NOL7: variants seen among roughly 807,000 people sequenced by gnomAD.
The protein encoded by NOL7 is nucleolar protein 7.
Under a neutral mutation model 38.4 loss-of-function variants are expected in NOL7, and 36 were observed. That is an observed-to-expected ratio of 0.94 (90% confidence interval 0.72 to 1.24). The LOEUF is 1.24. NOL7 is among the 50% of genes most tolerant of loss of function. NOL7 has a pLI of 0.00. For missense variants in NOL7, 350 were observed against 315.1 expected (o/e 1.11, Z -0.84); for synonymous variants, 142 against 126.5 (o/e 1.12, Z -0.82).
intron 3 of NOL7, among the ~76,000 whole-genome samples, chr6:13,617,342 T>A (rs933035412): frequency 2.0e-5 from 3 of 152,032 alleles, no homozygotes; most frequent in African/African-American, 2.4e-5. Context: ...TCTCTCTCCA[T>A]TGGGCCACAG....
At chr6:13,619,449 G>A (rs977543711) in intron 5 of NOL7, among the ~76,000 whole-genome samples, 1 of 152,118 alleles carries the variant, frequency 6.6e-6, no homozygotes, top group Non-Finnish European at 1.5e-5. Flanking sequence ...CTTGCAAATC[G>A]GTGTTTTAGC....
intron 7 of NOL7, 112 bp downstream of exon 7, chr6:13,620,597 T>TAA: frequency 2.6e-6 from 3 of 1,149,418 alleles, no homozygotes; most frequent in East Asian, 5.0e-5. Flanking sequence ...GCTTATATAT[T>TAA]AAGTTACTTG....
chr6:13,619,436 T>C (rs1292123103), intron 5 of NOL7, among the ~76,000 whole-genome samples: 2 of 152,230 alleles, frequency 1.3e-5, no homozygotes, highest in Non-Finnish European at 1.5e-5. Context: ...GTCCAAATCA[T>C]TACTTGCAAA....
downstream of NOL7, chr6:13,622,063 G>A (rs1764464946): frequency 5.6e-6 from 1 of 179,628 alleles, no homozygotes; most frequent in East Asian, 1.4e-4. Context: ...AAGAAGGCAG[G>A]ATTTTTGGTT....
chr6:13,625,527 T>A, downstream of NOL7: 1 of 551,832 alleles, frequency 1.8e-6, no homozygotes, highest in East Asian at 3.1e-5. Flanking sequence ...TAGGTATTTT[T>A]ATATTTTAAA....
At chr6:13,619,956 ACCAG>A (rs1267314085) in intron 5 of NOL7, among the ~76,000 whole-genome samples, 13 of 152,302 alleles carry the variant, frequency 8.5e-5, no homozygotes, top group Admixed American at 5.2e-4. Flanking sequence ...GGAGTTCGAG[ACCAG>A]CCTGGCCAAC....
downstream of NOL7, chr6:13,625,805 C>T (rs776457319): frequency 4.5e-6 from 6 of 1,338,260 alleles, no homozygotes; most frequent in Admixed American, 5.0e-5. Context: ...TCAAATAGTT[C>T]AACTATTATG....
intron 5 of NOL7, 31 bp from the exon 6 acceptor site, chr6:13,620,177 T>C: frequency 1.3e-6 from 2 of 1,584,208 alleles, no homozygotes. Context: ...GCATGTGTAA[T>C]TCTTATTTAA....
At chr6:13,615,920 GGGCGC>G (rs1764269979) in intron 2 of NOL7, 148 bp downstream of exon 2, 1 of 864,640 alleles carries the variant, frequency 1.2e-6, no homozygotes, top group African/African-American at 1.7e-5. Context: ...TGCTCGGGCC[GGGCGC>G]GGCAGTACTT....
chr6:13,621,012 G>T lies in NOL7; in HGVS notation c.*185G>T, dbSNP rs1764429316. 5 of 421,042 alleles carry T rather than the reference G, an allele frequency of 1.2e-5. No individual in the cohort carries two copies. The East Asian group carries it at 1.9e-4, about 16-fold the overall frequency. 26.1% of individuals were successfully genotyped at this position (421,042 alleles called of 1,614,324 possible). On this transcript the variant is annotated 3_prime_UTR_variant, in exon 8 of 8. Coordinates refer to ENST00000451315, the MANE Select transcript of NOL7 (RefSeq NM_016167.5). The stretch of plus-strand genomic sequence containing the variant: ...CTAGAGGAAAAAGTGGTTTAAGAAG[G>T]AATTGTTTTCTTTTTAATATATTTA...
At chr6:13,623,527 C>T (rs1764517140), downstream of NOL7, among the ~76,000 whole-genome samples, 1 of 152,110 alleles carries the variant, frequency 6.6e-6, no homozygotes, top group African/African-American at 2.4e-5. Flanking sequence ...AAAAAGGGCA[C>T]ATAGATTGAT....
chr6:13,615,686 T>G (rs1351636375), intron 1 of NOL7, 26 bp from the exon 2 acceptor site: 1 of 1,614,056 alleles, frequency 6.2e-7, no homozygotes, highest in African/African-American at 1.3e-5. Context: ...TCCTTCCCTT[T>G]GCTGACTTAT....
In NOL7 at chr6:13,621,035, T is replaced by TTAAC. The variant is rs1168565004; in HGVS notation, c.*210_*213dup. On this transcript the variant is annotated 3_prime_UTR_variant, in exon 8 of 8. Transcript: ENST00000451315. ...AGGAATTGTTTTCTTTTTAATATAT[T>TTAAC]TAACTGAATTCAAGCCATACCCACA... 2 of 355,832 alleles carry TTAAC rather than the reference T, an allele frequency of 5.6e-6. No homozygotes were observed. The highest frequency in any genetic ancestry group is 2.1e-5 in the African/African-American group (1 of 47,604). 22.0% of individuals were successfully genotyped at this position (355,832 alleles called of 1,614,324 possible). A position where few individuals can be genotyped will look rare whatever the true frequency, so the allele number is the denominator to read the frequency against.
At chr6:13,627,073 A>G (rs1328869331) in intron 8 of NOL7, among the ~76,000 whole-genome samples, 2 of 152,168 alleles carry the variant, frequency 1.3e-5, no homozygotes, top group Non-Finnish European at 2.9e-5. Context: ...TTTCTCCTCC[A>G]ATTACAATAG....
chr6:13,620,115 C>T lies in NOL7; in HGVS notation c.501-93C>T, dbSNP rs1764399663. 5 of 1,403,446 alleles carry T rather than the reference C, an allele frequency of 3.6e-6. No homozygotes were observed. The Admixed American group carries it at 1.2e-4, about 34-fold the overall frequency. 86.9% of individuals were successfully genotyped at this position (1,403,446 alleles called of 1,614,324 possible). On this transcript the variant is annotated intron_variant, in intron 5 of 7. Transcript: ENST00000451315. ...GTTGCAGTGAGCTGAGATCGCGCAGCCTGGGTGACAGAGCGAGACTCTGTC... is the reference window on the plus strand; with the variant it reads ...GTTGCAGTGAGCTGAGATCGCGCAGTCTGGGTGACAGAGCGAGACTCTGTC...
chr6:13,620,609 G>T, intron 7 of NOL7, 124 bp downstream of exon 7: 1 of 1,075,026 alleles, frequency 9.3e-7, no homozygotes, highest in Non-Finnish European at 1.4e-6. Context: ...AGTTACTTGT[G>T]AAAAACAGGT....
downstream of NOL7, among the ~76,000 whole-genome samples, chr6:13,625,310 T>C (rs546105424): frequency 6.6e-6 from 1 of 152,156 alleles, no homozygotes; most frequent in Non-Finnish European, 1.5e-5. Context: ...ATGTCTCTGG[T>C]AGGGTAGTAT....
intron 8 of NOL7, among the ~76,000 whole-genome samples, chr6:13,628,527 T>C (rs1429108352): frequency 1.3e-5 from 2 of 152,196 alleles, no homozygotes; most frequent in Non-Finnish European, 2.9e-5. Flanking sequence ...GAAACCAATA[T>C]GGATTAGACT....
chr6:13,628,864 T>C (rs576131359), intron 8 of NOL7, among the ~76,000 whole-genome samples: 2 of 152,346 alleles, frequency 1.3e-5, no homozygotes, highest in East Asian at 3.9e-4. Context: ...CATTCCTTCA[T>C]TACTGCTGGT....
Sources: gnomAD v4.1 joint callset for allele counts (sites outside exome capture counted in the v4.1 genomes callset) on GRCh38, gnomAD v4.1.1 for gene constraint, MANE v1.5 for transcripts, NCBI Gene and HGNC (gene_info 2026-07-23, HGNC 2026-07-21) for gene names.